The following ST3GAL2 variants were observed in gnomAD, a reference collection of about 807,000 sequenced individuals.
The protein encoded by ST3GAL2 is CMP-N-acetylneuraminate-beta-galactosamide-alpha-2,3-sialyltransferase 2.
A neutral mutation model predicts 37.5 loss-of-function variants in ST3GAL2; 16 were observed. That is an observed-to-expected ratio of 0.43 (90% CI 0.29 to 0.65). The LOEUF (loss-of-function observed/expected upper bound fraction) is 0.65. Among genes scored for constraint, ST3GAL2 ranks in the 30% least tolerant of loss-of-function variants. ST3GAL2 has a pLI of 0.17. For missense variants in ST3GAL2, 383 were observed against 487.8 expected, an observed-to-expected ratio of 0.79 and a Z score of 2.02; for synonymous variants, 238 against 202.9, an observed-to-expected ratio of 1.17 and a Z score of -1.47.
chr16:70,397,882 G>A lies in ST3GAL2; in HGVS notation c.339+310C>T, dbSNP rs376124080. ...GCAACAACTGCTGGGGCCGAGGGGC[G>A]GCTGCCTCCTTCCTCTGGGGCAGGC... On this transcript the variant is annotated intron_variant, in intron 2 of 6. Coordinates refer to ENST00000342907, the MANE Select transcript of ST3GAL2 (RefSeq NM_006927.4). 7.5e-4 allele frequency among the ~76,000 whole-genome samples: 114 copies of A among 151,916 alleles called. 1 individual carries two copies. The highest frequency in any genetic ancestry group is 2.5e-3 in the African/African-American group (102 of 41,452).
rs372632501 is a variant in ST3GAL2 at position 70,388,453 on chromosome 16, G to A, written c.627C>T (p.Pro209=). ...GCACCAGCACGAAGCTGACGTTGGC[G>A]GGCAGGTTCTTGGCACTCTCAGGGT... ...FMYPESAKNL[P]ANVSFVLVPF... Residue 209 remains proline (P), a synonymous_variant, in exon 4 of 7, where the codon CCC becomes CCT. Coordinates refer to ENST00000342907, the MANE Select transcript of ST3GAL2 (RefSeq NM_006927.4). The A allele has an allele frequency of 1.1e-5, 17 of 1,613,996 alleles. No homozygotes were observed. Among genetic ancestry groups the A allele is most frequent in the Admixed American group, 5.0e-5 (3 of 59,984 alleles).
intron 1 of ST3GAL2, among the ~76,000 whole-genome samples, chr16:70,431,241 T>C (rs750051542): frequency 3.3e-5 from 5 of 152,230 alleles, no homozygotes; most frequent in Non-Finnish European, 7.3e-5. Context: ...TCTTGTTGAT[T>C]TTTCCACACC....
In ST3GAL2 at chr16:70,395,277, G is replaced by C. The variant is rs2047508036; in HGVS notation, c.340-102C>G. 4 of 1,100,406 alleles carry C rather than the reference G, an allele frequency of 3.6e-6. No individual in the cohort carries two copies. The Admixed American group carries it at 7.7e-5, about 21-fold the overall frequency. The allele number at this position is 1,100,406 out of a possible 1,614,324, so 68.2% of individuals were successfully genotyped here. ...CTCTGCCCTCACTATCCTGTGTCTG[G>C]GCACAGGCCTCTTTATCCAGGGCTC... is the stretch of plus-strand genomic sequence containing the variant. On this transcript the variant is annotated intron_variant, in intron 2 of 6. Transcript: ENST00000342907.
At chr16:70,388,346 C>T in intron 4 of ST3GAL2, 21 bp downstream of exon 4, 2 of 1,613,868 alleles carry the variant, frequency 1.2e-6, no homozygotes, top group Non-Finnish European at 1.7e-6. Context: ...CATATTCTAC[C>T]CAGGCCAGCA....
chr16:70,383,826 A>G (rs146890698), intron 4 of ST3GAL2, among the ~76,000 whole-genome samples: 3 of 151,432 alleles, frequency 2.0e-5, no homozygotes, highest in Non-Finnish European at 4.4e-5. Context: ...AAAGCCTTCA[A>G]CGGTCCCCAT....
chr16:70,398,351 G>A lies in ST3GAL2; in HGVS notation c.180C>T (p.Leu60=), dbSNP rs1457327720. 1.2e-6 allele frequency: 2 copies of A among 1,613,416 alleles called. No homozygotes were observed. Among genetic ancestry groups the A allele is most frequent in the African/African-American group, 2.7e-5 (2 of 74,966 alleles). The change falls in exon 2 of 7, where the codon CTC becomes CTT. Residue 60 remains leucine, a synonymous_variant. Coordinates refer to ENST00000342907, the MANE Select transcript of ST3GAL2 (RefSeq NM_006927.4). ...TCTTGCCCGAGAGCCTCTCCTTGCT[G>A]AGGCGCTGCAGGCCGGCATAGCCGG... is the stretch of plus-strand genomic sequence containing the variant. ...LVPGYAGLQR[L]SKERLSGKSC...
intron 1 of ST3GAL2, among the ~76,000 whole-genome samples, chr16:70,409,103 T>C (rs1372879845): frequency 1.3e-5 from 2 of 151,032 alleles, no homozygotes; most frequent in Non-Finnish European, 3.0e-5. Flanking sequence ...TCCAGTATCT[T>C]GCTGTACCTA....
intron 1 of ST3GAL2, among the ~76,000 whole-genome samples, chr16:70,420,069 C>T (rs532881141): frequency 6.6e-4 from 98 of 148,386 alleles, no homozygotes; most frequent in African/African-American, 2.4e-3. Context: ...CTCTTTCACC[C>T]AAGCTAGAGT....
At chr16:70,414,728 G>A (rs981309350) in intron 1 of ST3GAL2, among the ~76,000 whole-genome samples, 9 of 151,920 alleles carry the variant, frequency 5.9e-5, no homozygotes, top group African/African-American at 2.2e-4. Flanking sequence ...GCTGTAGTGC[G>A]GTAGTGTGAT....
chr16:70,410,809 T>G (rs751615333), intron 1 of ST3GAL2, among the ~76,000 whole-genome samples: 52 of 28,960 alleles, frequency 1.8e-3, no homozygotes, highest in Non-Finnish European at 4.1e-3. Context: ...TTAGATCCTG[T>G]TTTTTTTTTT....
At chr16:70,383,107 T>C (rs2047417576) in intron 5 of ST3GAL2, 83 bp downstream of exon 5, 1 of 1,592,626 alleles carries the variant, frequency 6.3e-7, no homozygotes, top group Non-Finnish European at 8.6e-7. Flanking sequence ...GCAGGGGAAA[T>C]GGAACACCTG....
At chr16:70,389,330 G>T (rs1227691153) in intron 3 of ST3GAL2, among the ~76,000 whole-genome samples, 1 of 149,582 alleles carries the variant, frequency 6.7e-6, no homozygotes, top group Non-Finnish European at 1.5e-5. Flanking sequence ...TTGAGACAAG[G>T]TCTCACTCTG....
chr16:70,384,557 T>C (rs1003018987), intron 4 of ST3GAL2, among the ~76,000 whole-genome samples: 3 of 151,492 alleles, frequency 2.0e-5, no homozygotes, highest in Admixed American at 6.6e-5. Context: ...ATACAAAAAT[T>C]AGCTGGGTGT....
intron 1 of ST3GAL2, among the ~76,000 whole-genome samples, chr16:70,407,766 A>T (rs902825927): frequency 6.6e-6 from 1 of 152,210 alleles, no homozygotes; most frequent in African/African-American, 2.4e-5. Context: ...CGAGAACAGC[A>T]GGGACTGTTT....
At chr16:70,430,944 C>A (rs2047785651) in intron 1 of ST3GAL2, among the ~76,000 whole-genome samples, 1 of 152,176 alleles carries the variant, frequency 6.6e-6, no homozygotes, top group Non-Finnish European at 1.5e-5. Flanking sequence ...TCACTGCCTG[C>A]ATCAAATCGC....
chr16:70,419,490 T>C (rs1270124500), intron 1 of ST3GAL2, among the ~76,000 whole-genome samples: 5 of 152,154 alleles, frequency 3.3e-5, no homozygotes, highest in African/African-American at 1.2e-4. Flanking sequence ...AGTCACTGCA[T>C]AGGCACAAAG....
intron 1 of ST3GAL2, among the ~76,000 whole-genome samples, chr16:70,436,192 C>T (rs890654726): frequency 6.6e-6 from 1 of 151,588 alleles, no homozygotes; most frequent in African/African-American, 2.4e-5. Flanking sequence ...CTTTGGGAGG[C>T]CAAGGCGGGC....
chr16:70,423,660 G>A (rs2151676511), intron 1 of ST3GAL2, among the ~76,000 whole-genome samples: 1 of 151,760 alleles, frequency 6.6e-6, no homozygotes, highest in East Asian at 1.9e-4. Context: ...ATCTGTAAAT[G>A]GAATGACTCA....
chr16:70,431,986 T>TATATATATATATA (rs5817697), intron 1 of ST3GAL2, among the ~76,000 whole-genome samples: 1 of 133,752 alleles, frequency 7.5e-6, no homozygotes, highest in African/African-American at 3.7e-5. Context: ...TATATATATA[T>TATATATATATATA]TTTTTTTTAA....
Sources: allele counts gnomAD v4.1 joint callset (sites outside exome capture counted in the v4.1 genomes callset), GRCh38; gene constraint gnomAD v4.1.1; transcripts MANE v1.5; gene names NCBI Gene and HGNC (gene_info 2026-07-23, HGNC 2026-07-21).